CCDC57: variants seen among roughly 807,000 people sequenced by gnomAD.
CCDC57 encodes the protein coiled-coil domain-containing protein 57.
CCDC57 carries 118 observed loss-of-function variants against 118.9 expected under a neutral mutation model. The observed-to-expected ratio is 0.99, with a 90% confidence interval of 0.86 to 1.16. The LOEUF (loss-of-function observed/expected upper bound fraction) is 1.16, where lower values mean the gene tolerates loss of function less well. CCDC57 is among the 50% of genes most tolerant of loss of function. The pLI, the probability that CCDC57 is intolerant of heterozygous loss-of-function variation, is 0.00. For missense variants in CCDC57, 1,300 were observed against 1,320.7 expected (o/e 0.98, Z 0.24); for synonymous variants, 527 against 532.9 (o/e 0.99, Z 0.15).
chr17:82,120,069 G>A (rs1039651453), intron 19 of CCDC57, among the ~76,000 whole-genome samples: 3 of 152,156 alleles, frequency 2.0e-5, no homozygotes, highest in Non-Finnish European at 4.4e-5. Context: ...ACAGCTGTGT[G>A]ACGTCGTGAC....
chr17:82,101,528 G>T, exon 20 of CCDC57: 1 of 641,762 alleles, frequency 1.6e-6, no homozygotes, highest in South Asian at 2.2e-5. Context: ...TCAGTCAGCA[G>T]GGTCGCCTCA....
At chr17:82,141,252 C>T (rs1201099347) in intron 16 of CCDC57, among the ~76,000 whole-genome samples, 1 of 149,562 alleles carries the variant, frequency 6.7e-6, no homozygotes, top group Non-Finnish European at 1.5e-5. Flanking sequence ...GGCATGATCT[C>T]GGCTCACTGC....
chr17:82,159,854 T>C (rs2146016841), intron 14 of CCDC57, among the ~76,000 whole-genome samples: 1 of 152,022 alleles, frequency 6.6e-6, no homozygotes, highest in South Asian at 2.1e-4. Flanking sequence ...TGTATTTTAG[T>C]AGACACAGAG....
chr17:82,115,559 C>T (rs1476075711), intron 19 of CCDC57, among the ~76,000 whole-genome samples: 1 of 151,970 alleles, frequency 6.6e-6, no homozygotes, highest in South Asian at 2.1e-4. Context: ...TTGCTTGAAC[C>T]CAGGAGTTCA....
intron 19 of CCDC57, among the ~76,000 whole-genome samples, chr17:82,104,337 G>A (rs1213503082): frequency 6.6e-6 from 1 of 152,182 alleles, no homozygotes; most frequent in Non-Finnish European, 1.5e-5. Context: ...CGGGCTGCTT[G>A]TGCTCTGGCC....
intron 9 of CCDC57, among the ~76,000 whole-genome samples, chr17:82,182,346 T>C (rs2046313425): frequency 1.3e-5 from 2 of 151,620 alleles, no homozygotes; most frequent in South Asian, 4.2e-4. Flanking sequence ...TCTTTCAGCA[T>C]TGGTACTTTT....
At chr17:82,201,569 C>T in exon 3 of CCDC57, 1 of 1,611,370 alleles carries the variant, frequency 6.2e-7, no homozygotes, top group South Asian at 1.1e-5. Flanking sequence ...AGGCGATGCT[C>T]CTGGAATGCC....
At position 82,172,928 on chromosome 17, in the gene CCDC57, G is replaced by T; in HGVS notation, c.1507-68C>A. The T allele has an allele frequency of 7.1e-7, 1 of 1,417,490 alleles. No individual in the cohort carries two copies. Among genetic ancestry groups the T allele is most frequent in the African/African-American group, 1.4e-5 (1 of 70,996 alleles). 87.8% of individuals were successfully genotyped at this position (1,417,490 alleles called of 1,614,324 possible). On this transcript the variant is annotated intron_variant, in intron 11 of 19. Coordinates refer to ENST00000665763, the Ensembl canonical transcript of CCDC57. This position sits in a 1 kb window ranked among gnomAD's most constrained non-coding sequence, Gnocchi z 5.2. ...TCCCCAGCTTGTCCTGACAGGCTGT[G>T]CCTCCGCTCTCCCCGCGCCCCTCTC...
intron 2 of CCDC57, 65 bp from the exon 2 acceptor site, chr17:82,202,017 C>A: frequency 7.1e-7 from 1 of 1,412,318 alleles, no homozygotes; most frequent in Non-Finnish European, 9.4e-7. Flanking sequence ...TACCACAGTA[C>A]CTACCTCACA....
At chr17:82,184,023 G>A (rs1330000650) in intron 8 of CCDC57, 91 bp from the exon 8 acceptor site, 33 of 384,072 alleles carry the variant, frequency 8.6e-5, no homozygotes, top group Middle Eastern at 3.6e-4. Context: ...ACATGCGCGC[G>A]CGCGCGCGCA....
chr17:82,138,147 CTTTTTT>C (rs569568425), intron 16 of CCDC57, among the ~76,000 whole-genome samples: 28 of 118,304 alleles, frequency 2.4e-4, no homozygotes, highest in Non-Finnish European at 3.9e-4. Context: ...AGGAGGATCT[CTTTTTT>C]TTTTTTTTTT....
chr17:82,110,968 T>C (rs922469237), intron 19 of CCDC57, among the ~76,000 whole-genome samples: 2 of 148,130 alleles, frequency 1.4e-5, no homozygotes, highest in Non-Finnish European at 3.0e-5. Flanking sequence ...GAGGTTGCGG[T>C]GAGCCAAAGA....
At position 82,188,213 on chromosome 17, in the gene CCDC57, G is replaced by C. The variant is rs4789729; in HGVS notation, c.1052+6C>G. ...ACCCTCTGGGTGGAGCCAAGCACAC[G>C]CTCACTGGTCAATGGCAGCGTCCTT... On this transcript the variant is annotated splice_donor_region_variant and intron_variant, in intron 8 of 19. Transcript: ENST00000665763. The C allele has an allele frequency of 1.3e-6, 2 of 1,541,880 alleles. No individual in the cohort carries two copies. Among genetic ancestry groups the C allele is most frequent in the African/African-American group, 1.4e-5 (1 of 72,956 alleles).
chr17:82,125,432 G>A (rs929876561), intron 19 of CCDC57, among the ~76,000 whole-genome samples: 3 of 151,454 alleles, frequency 2.0e-5, no homozygotes, highest in African/African-American at 4.9e-5. Flanking sequence ...CTGGAGTGCA[G>A]TGGTACAATC....
chr17:82,123,025 C>A (rs772166138), intron 19 of CCDC57, among the ~76,000 whole-genome samples: 1 of 152,030 alleles, frequency 6.6e-6, no homozygotes, highest in East Asian at 1.9e-4. Context: ...TGACCTTCAC[C>A]TTGCAAAAAA....
At chr17:82,191,956 C>T (rs2047715150) in intron 7 of CCDC57, among the ~76,000 whole-genome samples, 1 of 151,584 alleles carries the variant, frequency 6.6e-6, no homozygotes, top group Non-Finnish European at 1.5e-5. Context: ...GTGTAGGCCA[C>T]CATGCCCAAC....
chr17:82,194,868 G>A (rs1052350757), intron 5 of CCDC57, among the ~76,000 whole-genome samples: 8 of 152,264 alleles, frequency 5.3e-5, no homozygotes, highest in African/African-American at 1.2e-4. Flanking sequence ...TGTAAGCCAC[G>A]GGTGGTGACG....
chr17:82,192,727 C>T lies in CCDC57; in HGVS notation c.851+1029G>A, dbSNP rs2047827362. On this transcript the variant is annotated intron_variant, in intron 7 of 19. Coordinates refer to ENST00000665763, the Ensembl canonical transcript of CCDC57. The surrounding 1 kb of genome is among the most constrained non-coding windows in gnomAD (Gnocchi z 4.0). ...GGGCACAACCCTCTCTCGCTGCCAC[C>T]AGTAGGGTCTGCAGAGCAGGCTGGA... Among the ~76,000 whole-genome samples the T allele has an allele frequency of 1.3e-5, 2 of 152,210 alleles. No homozygotes were observed. Among genetic ancestry groups the T allele is most frequent in the South Asian group, 4.1e-4 (2 of 4,832 alleles).
At chr17:82,201,740 G>A (rs765976329) in exon 3 of CCDC57, 2 of 1,613,976 alleles carry the variant, frequency 1.2e-6, no homozygotes, top group East Asian at 2.2e-5. Context: ...TCCAGCTCGA[G>A]GTCCCGCTCC....
Sources: allele counts gnomAD v4.1 joint callset (sites outside exome capture counted in the v4.1 genomes callset), GRCh38; gene constraint gnomAD v4.1.1; non-coding constraint Gnocchi (gnomAD v3.1); transcripts MANE v1.5; gene names NCBI Gene and HGNC (gene_info 2026-07-23, HGNC 2026-07-21).